Variants in TSHZ2 observed in about 807,000 individuals in gnomAD.
TSHZ2 encodes teashirt zinc finger homeobox 2, also known as teashirt homolog 2.
TSHZ2 carries 21 observed loss-of-function variants against 74.4 expected under a neutral mutation model. The observed-to-expected ratio is 0.28, with a 90% confidence interval of 0.20 to 0.41. The LOEUF (loss-of-function observed/expected upper bound fraction) is 0.41, where lower values mean the gene tolerates loss of function less well. Among genes scored for constraint, TSHZ2 ranks in the 10% least tolerant of loss-of-function variants. The pLI is 1.00. For synonymous variants in TSHZ2, 540 were observed against 515.3 expected, an observed-to-expected ratio of 1.05 and a Z score of -0.65; for missense variants, 1,244 against 1,293.5, an observed-to-expected ratio of 0.96 and a Z score of 0.59.
rs919035935 is a variant in TSHZ2 at position 53,436,136 on chromosome 20, GTTT to G, written c.*9-51004_*9-51002del. ...CAGTGATGGTTTCTATGGCTGGGCT[GTTT>G]TTTGTGCTTCCACTGTTGAAGTATT... On this transcript the variant is annotated intron_variant, in intron 2 of 2. Coordinates refer to ENST00000371497, the MANE Select transcript of TSHZ2 (RefSeq NM_173485.6). 5.7e-3 allele frequency among the ~76,000 whole-genome samples: 860 copies of G among 150,330 alleles called. 14 individuals are homozygous for G. The highest frequency in any genetic ancestry group is 0.02 in the African/African-American group (815 of 41,038).
intron 1 of TSHZ2, among the ~76,000 whole-genome samples, chr20:53,149,351 G>T (rs985279528): frequency 1.3e-5 from 2 of 152,036 alleles, no homozygotes; most frequent in Non-Finnish European, 2.9e-5. Flanking sequence ...CTCAGTGTCT[G>T]CCAGATCATT....
intron 2 of TSHZ2, among the ~76,000 whole-genome samples, chr20:53,320,615 G>A (rs911739993): frequency 2.0e-5 from 3 of 152,134 alleles, no homozygotes; most frequent in Non-Finnish European, 4.4e-5. Flanking sequence ...CAGAGCCCAC[G>A]GCCAGCTCTT....
At chr20:53,272,281 A>G (rs1990856186) in intron 2 of TSHZ2, among the ~76,000 whole-genome samples, 2 of 152,062 alleles carry the variant, frequency 1.3e-5, no homozygotes, top group Non-Finnish European at 2.9e-5. Flanking sequence ...AAGTGCTAGG[A>G]TTACAGGCAT....
intron 2 of TSHZ2, among the ~76,000 whole-genome samples, chr20:53,461,274 G>T (rs909495343): frequency 6.6e-6 from 1 of 152,262 alleles, no homozygotes; most frequent in Non-Finnish European, 1.5e-5. Context: ...TCAGAAAAGC[G>T]CTGTATTCGG....
chr20:53,342,955 CTTTT>C (rs1175907478), intron 2 of TSHZ2, among the ~76,000 whole-genome samples: 26 of 61,230 alleles, frequency 4.2e-4, no homozygotes, highest in African/African-American at 1.5e-3. Flanking sequence ...CTTTTCTTTT[CTTTT>C]TTTTTTTTTT....
At chr20:53,460,628 T>G (rs1200317003) in intron 2 of TSHZ2, among the ~76,000 whole-genome samples, 3 of 152,332 alleles carry the variant, frequency 2.0e-5, no homozygotes, top group East Asian at 1.9e-4. Context: ...GGCGCTCTGC[T>G]TTTTAGAATT....
intron 2 of TSHZ2, among the ~76,000 whole-genome samples, chr20:53,436,984 T>C (rs1984108172): frequency 6.6e-6 from 1 of 152,206 alleles, no homozygotes; most frequent in Admixed American, 6.5e-5. Flanking sequence ...ATGTTTTCTA[T>C]ATTTCAAAGC....
chr20:53,415,832 G>C (rs1262681566), intron 2 of TSHZ2, among the ~76,000 whole-genome samples: 3 of 95,662 alleles, frequency 3.1e-5, no homozygotes, highest in South Asian at 7.6e-4. Flanking sequence ...GCACACACAG[G>C]CATGACAGTG....
intron 2 of TSHZ2, among the ~76,000 whole-genome samples, chr20:53,258,103 A>G (rs1990520195): frequency 6.6e-6 from 1 of 152,240 alleles, no homozygotes; most frequent in African/African-American, 2.4e-5. Context: ...GAGTCCTCCT[A>G]TAACTCTAAT....
intron 2 of TSHZ2, among the ~76,000 whole-genome samples, chr20:53,303,328 T>A (rs1600799786): frequency 6.6e-6 from 1 of 152,264 alleles, no homozygotes; most frequent in Admixed American, 6.5e-5. Context: ...TCAGAGAAAC[T>A]GTTTTTCAGT....
At chr20:53,077,751 C>T (rs1175174016) in intron 1 of TSHZ2, among the ~76,000 whole-genome samples, 3 of 152,170 alleles carry the variant, frequency 2.0e-5, no homozygotes, top group South Asian at 2.1e-4. Context: ...ATAGATCATT[C>T]GTTATCGCTG....
chr20:53,205,255 T>G (rs1989138293), intron 1 of TSHZ2, among the ~76,000 whole-genome samples: 1 of 151,818 alleles, frequency 6.6e-6, no homozygotes, highest in Non-Finnish European at 1.5e-5. Flanking sequence ...CTGAGGAGAG[T>G]TGGTGGCTGG....
intron 1 of TSHZ2, among the ~76,000 whole-genome samples, chr20:53,043,076 C>A (rs1568733116): frequency 6.6e-6 from 1 of 151,966 alleles, no homozygotes; most frequent in African/African-American, 2.4e-5. Flanking sequence ...TTTAGGTTGG[C>A]AAAGAAAGCA....
At chr20:53,216,893 C>T (rs1036184922) in intron 1 of TSHZ2, among the ~76,000 whole-genome samples, 1 of 152,174 alleles carries the variant, frequency 6.6e-6, no homozygotes, top group Admixed American at 6.5e-5. Flanking sequence ...CCTGGCAGCT[C>T]CTGGCGACTC....
chr20:53,100,744 C>T (rs1416606324), intron 1 of TSHZ2, among the ~76,000 whole-genome samples: 1 of 152,216 alleles, frequency 6.6e-6, no homozygotes, highest in Non-Finnish European at 1.5e-5. Context: ...AATCACATTC[C>T]ACTGCCTTTT....
At chr20:53,367,454 T>TA (rs1981306157) in intron 2 of TSHZ2, among the ~76,000 whole-genome samples, 1 of 152,114 alleles carries the variant, frequency 6.6e-6, no homozygotes, top group Non-Finnish European at 1.5e-5. Flanking sequence ...AAAACAACTT[T>TA]ACTCTCCTGA....
At chr20:53,120,288 G>A (rs762525572) in intron 1 of TSHZ2, among the ~76,000 whole-genome samples, 31 of 152,068 alleles carry the variant, frequency 2.0e-4, no homozygotes, top group East Asian at 5.8e-4. Context: ...ATGTCACTCC[G>A]CAGAGATCTC....
At position 53,163,465 on chromosome 20, in the gene TSHZ2, T is replaced by TA. The variant is rs1987995769; in HGVS notation, c.41-90033dup. Among the ~76,000 whole-genome samples, 5 of 150,748 alleles carry TA rather than the reference T, an allele frequency of 3.3e-5. No homozygotes were observed. The South Asian group carries it at 1.0e-3, about 32-fold the overall frequency. On this transcript the variant is annotated intron_variant, in intron 1 of 2. Transcript: ENST00000371497. ...TATTTTATTTTATTTTATTTTTTTT[T>TA]ATTATACTCTAAGTTTTAGGGTACA...
intron 2 of TSHZ2, among the ~76,000 whole-genome samples, chr20:53,377,356 C>T (rs2058282687): frequency 6.6e-6 from 1 of 152,196 alleles, no homozygotes; most frequent in African/African-American, 2.4e-5. Context: ...CTGTGACTTT[C>T]TTACAGTCCC....
Sources: gnomAD v4.1 joint callset for allele counts (sites outside exome capture counted in the v4.1 genomes callset) on GRCh38, gnomAD v4.1.1 for gene constraint, MANE v1.5 for transcripts, NCBI Gene and HGNC (gene_info 2026-07-23, HGNC 2026-07-21) for gene names.